Variants in RGS7 observed in about 807,000 individuals in gnomAD.
The protein encoded by RGS7 is regulator of G protein signaling 7, also known as regulator of G-protein signaling 7.
In RGS7, 27 loss-of-function variants were observed where a neutral mutation model predicts 81.1. That is an observed-to-expected ratio of 0.33 (90% CI 0.25 to 0.46). The LOEUF is 0.46. RGS7 is among the 20% of genes least tolerant of loss of function. The pLI, the probability that RGS7 is intolerant of heterozygous loss-of-function variation, is 1.00. For missense variants in RGS7, 396 were observed against 607.4 expected, an observed-to-expected ratio of 0.65 and a Z score of 3.66; for synonymous variants, 208 against 207.7, an observed-to-expected ratio of 1.00 and a Z score of -0.01.
chr1:240,782,646 T>A (rs186750021), intron 18 of RGS7, among the ~76,000 whole-genome samples: 10 of 152,208 alleles, frequency 6.6e-5, no homozygotes, highest in Admixed American at 1.3e-4. Flanking sequence ...GATCTCAAAC[T>A]CCTGGGCTCA....
intron 4 of RGS7, among the ~76,000 whole-genome samples, chr1:240,949,708 C>T (rs1025705092): frequency 3.9e-5 from 6 of 151,944 alleles, no homozygotes; most frequent in Admixed American, 1.3e-4. Flanking sequence ...ATTAGCAGGG[C>T]GTGGTGGTGC....
intron 2 of RGS7, among the ~76,000 whole-genome samples, chr1:241,119,046 A>C (rs1296560864): frequency 6.6e-6 from 1 of 152,202 alleles, no homozygotes; most frequent in Non-Finnish European, 1.5e-5. Context: ...AATGTAAAAT[A>C]AAATAAAACA....
chr1:240,792,402 T>C (rs945840950), intron 18 of RGS7, among the ~76,000 whole-genome samples: 1 of 152,324 alleles, frequency 6.6e-6, no homozygotes, highest in Middle Eastern at 3.4e-3. Flanking sequence ...CCTCATCTGC[T>C]GTGTAGATGA....
At chr1:241,284,505 A>T (rs1225648746) in intron 2 of RGS7, among the ~76,000 whole-genome samples, 1 of 152,172 alleles carries the variant, frequency 6.6e-6, no homozygotes, top group Non-Finnish European at 1.5e-5. Context: ...GTAACACCCC[A>T]GGAACAATGG....
chr1:240,812,336 G>C (rs1040898513), intron 13 of RGS7, among the ~76,000 whole-genome samples: 3 of 151,976 alleles, frequency 2.0e-5, no homozygotes, highest in Admixed American at 6.6e-5. Context: ...TTATTTTCCA[G>C]ATGAGGACAG....
At chr1:241,107,899 TA>T (rs1020202761) in intron 2 of RGS7, among the ~76,000 whole-genome samples, 2 of 152,064 alleles carry the variant, frequency 1.3e-5, no homozygotes, top group Admixed American at 6.5e-5. Flanking sequence ...TTATTCAATA[TA>T]AAAACCCATT....
At chr1:241,149,078 T>A (rs2068556809) in intron 2 of RGS7, among the ~76,000 whole-genome samples, 2 of 152,264 alleles carry the variant, frequency 1.3e-5, no homozygotes, top group South Asian at 4.1e-4. Flanking sequence ...GCAGAAAATA[T>A]TTCTCAAGTG....
At position 240,989,210 on chromosome 1, in the gene RGS7, C is replaced by A. The variant is rs1686102054; in HGVS notation, c.176-6081G>T. Among the ~76,000 whole-genome samples the A allele has an allele frequency of 3.3e-5, 5 of 151,290 alleles. No homozygotes were observed. The South Asian group carries it at 1.0e-3, about 32-fold the overall frequency. Reference sequence around the variant, plus strand: ...ATCCCAGCATGTTGGGGGGCCGAGGCAGGTGGATCATGAGGTCAGGAGATG... The same window carrying A: ...ATCCCAGCATGTTGGGGGGCCGAGGAAGGTGGATCATGAGGTCAGGAGATG... On this transcript the variant is annotated intron_variant, in intron 3 of 18. Coordinates refer to ENST00000440928, the MANE Select transcript of RGS7 (RefSeq NM_001364886.1).
At chr1:240,894,290 A>T (rs35517952) in intron 6 of RGS7, among the ~76,000 whole-genome samples, 3 of 151,950 alleles carry the variant, frequency 2.0e-5, no homozygotes, top group African/African-American at 7.2e-5. Flanking sequence ...ATTTTCACCA[A>T]CTGTAACTAG....
chr1:240,778,553 A>C (rs1390741045), intron 18 of RGS7, among the ~76,000 whole-genome samples: 1 of 152,010 alleles, frequency 6.6e-6, no homozygotes, highest in Non-Finnish European at 1.5e-5. Context: ...TGTTTTTTTG[A>C]GACGGAGTCT....
intron 2 of RGS7, among the ~76,000 whole-genome samples, chr1:241,344,598 G>C (rs2082771177): frequency 6.6e-6 from 1 of 152,204 alleles, no homozygotes; most frequent in African/African-American, 2.4e-5. Context: ...AAGCCCTTCA[G>C]CTTAACAAGT....
intron 14 of RGS7, among the ~76,000 whole-genome samples, chr1:240,807,592 A>ATTGTTTTT (rs1689086398): frequency 6.6e-6 from 1 of 152,182 alleles, no homozygotes. Flanking sequence ...TCATTTCCAG[A>ATTGTTTTT]TTTTGTTTTT....
At chr1:241,080,182 G>C (rs1279985224) in intron 3 of RGS7, among the ~76,000 whole-genome samples, 2 of 151,532 alleles carry the variant, frequency 1.3e-5, no homozygotes, top group South Asian at 2.1e-4. Context: ...AATAGATAAT[G>C]ATCTTAAATT....
chr1:241,266,918 C>T (rs1390070490), intron 2 of RGS7, among the ~76,000 whole-genome samples: 3 of 152,180 alleles, frequency 2.0e-5, no homozygotes, highest in Non-Finnish European at 4.4e-5. Context: ...ATTGTACTTA[C>T]AAGACCAATC....
chr1:241,019,984 C>A (rs1285332712), intron 3 of RGS7, among the ~76,000 whole-genome samples: 4 of 152,160 alleles, frequency 2.6e-5, no homozygotes, highest in South Asian at 2.1e-4. Flanking sequence ...GTGATGACTT[C>A]AAAAGAGTGA....
chr1:240,847,920 G>C (rs1659390097), intron 9 of RGS7, among the ~76,000 whole-genome samples: 1 of 152,076 alleles, frequency 6.6e-6, no homozygotes, highest in South Asian at 2.1e-4. Context: ...CTCAACATTA[G>C]AACATCTATT....
intron 3 of RGS7, among the ~76,000 whole-genome samples, chr1:241,057,928 G>T (rs1237624385): frequency 6.6e-6 from 1 of 152,156 alleles, no homozygotes; most frequent in Non-Finnish European, 1.5e-5. Flanking sequence ...ATCTCATGTT[G>T]TTATAGTAGG....
intron 2 of RGS7, among the ~76,000 whole-genome samples, chr1:241,338,272 G>A (rs1025467083): frequency 1.3e-5 from 2 of 152,098 alleles, no homozygotes; most frequent in African/African-American, 2.4e-5. Context: ...TCATAAATAT[G>A]CTAAACCAAA....
intron 2 of RGS7, among the ~76,000 whole-genome samples, chr1:241,221,964 T>C (rs190809301): frequency 1.3e-5 from 2 of 152,200 alleles, no homozygotes; most frequent in Admixed American, 6.5e-5. Flanking sequence ...CACACACACA[T>C]AGACATACCC....
Sources: gnomAD v4.1 joint callset for allele counts (sites outside exome capture counted in the v4.1 genomes callset) on GRCh38, gnomAD v4.1.1 for gene constraint, MANE v1.5 for transcripts, NCBI Gene and HGNC (gene_info 2026-07-23, HGNC 2026-07-21) for gene names.